The following PLXDC2 variants were observed in gnomAD, a reference collection of about 807,000 sequenced individuals.
PLXDC2 encodes plexin domain containing 2, also known as plexin domain-containing protein 2.
Under a neutral mutation model 68.9 loss-of-function variants are expected in PLXDC2, and 40 were observed. The ratio of observed to expected loss-of-function variants is 0.58; its 90% CI spans 0.45 to 0.76. The LOEUF (loss-of-function observed/expected upper bound fraction) is 0.76, where lower values mean the gene tolerates loss of function less well. Among genes scored for constraint, PLXDC2 ranks in the 30% least tolerant of loss-of-function variants. The probability of loss-of-function intolerance (pLI) is 0.00; values close to 1 mark genes in which losing one functional copy is unlikely to be tolerated. For synonymous variants in PLXDC2, 243 were observed against 234.2 expected (o/e 1.04, Z -0.34); for missense variants, 644 against 661.9 (o/e 0.97, Z 0.30).
At chr10:19,889,206 T>TTA (rs1229249736) in intron 1 of PLXDC2, among the ~76,000 whole-genome samples, 178 of 151,678 alleles carry the variant, frequency 1.2e-3, no homozygotes, top group East Asian at 4.1e-3. Flanking sequence ...ACATCCCATT[T>TTA]TATATATATA....
At chr10:20,189,204 A>G (rs954382277) in intron 9 of PLXDC2, among the ~76,000 whole-genome samples, 3 of 151,026 alleles carry the variant, frequency 2.0e-5, no homozygotes, top group Non-Finnish European at 4.4e-5. Context: ...TAATACAGTG[A>G]GGTATGATGT....
At chr10:20,278,424 G>T (rs1461228735) in intron 13 of PLXDC2, among the ~76,000 whole-genome samples, 1 of 152,132 alleles carries the variant, frequency 6.6e-6, no homozygotes, top group Non-Finnish European at 1.5e-5. Context: ...CATTGTTGAT[G>T]ATTTCAGCCC....
intron 9 of PLXDC2, among the ~76,000 whole-genome samples, chr10:20,210,407 T>C (rs1471783383): frequency 1.3e-5 from 2 of 152,146 alleles, no homozygotes; most frequent in Admixed American, 6.6e-5. Flanking sequence ...GGAGCGACTA[T>C]GGTAGCAATG....
intron 13 of PLXDC2, among the ~76,000 whole-genome samples, chr10:20,263,105 CTA>C (rs983602015): frequency 1.3e-5 from 2 of 152,210 alleles, no homozygotes; most frequent in African/African-American, 4.8e-5. Context: ...TAACTTCAAA[CTA>C]TACTACAAGG....
intron 4 of PLXDC2, among the ~76,000 whole-genome samples, chr10:20,103,787 C>T (rs1030295001): frequency 1.3e-5 from 2 of 152,032 alleles, no homozygotes; most frequent in African/African-American, 4.8e-5. Flanking sequence ...GGTTTACAGG[C>T]ATGCGCCACC....
intron 4 of PLXDC2, among the ~76,000 whole-genome samples, chr10:20,137,886 C>T (rs1833954270): frequency 6.6e-6 from 1 of 152,102 alleles, no homozygotes. Flanking sequence ...TCGACATGGT[C>T]TCAGTATGAT....
chr10:19,881,379 G>A (rs1412001832), intron 1 of PLXDC2, among the ~76,000 whole-genome samples: 2 of 152,130 alleles, frequency 1.3e-5, no homozygotes, highest in Non-Finnish European at 2.9e-5. Flanking sequence ...GCTTCCCAAA[G>A]TGCTGAGATT....
chr10:20,237,796 A>G (rs1835453591), intron 12 of PLXDC2, among the ~76,000 whole-genome samples: 1 of 152,216 alleles, frequency 6.6e-6, no homozygotes, highest in Admixed American at 6.6e-5. Flanking sequence ...TGTCTAACCC[A>G]TCAGCCTCTC....
chr10:20,234,663 CT>C (rs58791520), intron 12 of PLXDC2, among the ~76,000 whole-genome samples: 2,056 of 125,408 alleles, frequency 0.016, 19 homozygotes, highest in African/African-American at 0.033. Context: ...GGGTTTCTTT[CT>C]TTTTTTTTTT....
At chr10:19,876,058 G>T (rs943836878) in intron 1 of PLXDC2, among the ~76,000 whole-genome samples, 1 of 152,124 alleles carries the variant, frequency 6.6e-6, no homozygotes, top group African/African-American at 2.4e-5. Flanking sequence ...CAGTGGTGGG[G>T]ATTATGAGTT....
At chr10:19,901,912 C>G (rs999311403) in intron 1 of PLXDC2, among the ~76,000 whole-genome samples, 6 of 152,168 alleles carry the variant, frequency 3.9e-5, no homozygotes, top group African/African-American at 1.4e-4. Flanking sequence ...ATTATCCCAG[C>G]ACCATTTGTT....
chr10:20,095,679 T>G (rs761787451), intron 4 of PLXDC2, among the ~76,000 whole-genome samples: 28 of 152,074 alleles, frequency 1.8e-4, no homozygotes, highest in Admixed American at 3.3e-4. Flanking sequence ...TACTGAGGAG[T>G]ACAGATGTTA....
intron 13 of PLXDC2, among the ~76,000 whole-genome samples, chr10:20,267,840 C>CT (rs58705023): frequency 0.25 from 37,350 of 146,518 alleles, 4,719 homozygotes; most frequent in African/African-American, 0.31. Flanking sequence ...GCTTTTTTAT[C>CT]TTTTTTTTTT....
chr10:20,244,854 G>A (rs1380848695), intron 12 of PLXDC2, among the ~76,000 whole-genome samples: 7 of 152,118 alleles, frequency 4.6e-5, no homozygotes, highest in African/African-American at 1.7e-4. Flanking sequence ...GGTGGCTCAC[G>A]CCTGTAATCC....
intron 1 of PLXDC2, among the ~76,000 whole-genome samples, chr10:19,916,569 A>G (rs1230136300): frequency 6.6e-6 from 1 of 152,190 alleles, no homozygotes; most frequent in East Asian, 1.9e-4. Context: ...TATAGGCACT[A>G]TGCTAAGCTA....
chr10:20,030,081 A>G (rs1031469194), intron 2 of PLXDC2, among the ~76,000 whole-genome samples: 1 of 152,224 alleles, frequency 6.6e-6, no homozygotes, highest in African/African-American at 2.4e-5. Context: ...AATGGATGCT[A>G]CTTAAGAGTA....
chr10:20,057,129 A>G (rs1252741083), intron 3 of PLXDC2, among the ~76,000 whole-genome samples: 1 of 152,186 alleles, frequency 6.6e-6, no homozygotes, highest in Non-Finnish European at 1.5e-5. Flanking sequence ...AATTTTACAT[A>G]ACATGAGTGT....
intron 12 of PLXDC2, among the ~76,000 whole-genome samples, chr10:20,226,629 G>A (rs918567795): frequency 6.6e-6 from 1 of 152,178 alleles, no homozygotes; most frequent in Non-Finnish European, 1.5e-5. Flanking sequence ...TTCCCCTGTA[G>A]GTTAATTTGT....
intron 12 of PLXDC2, among the ~76,000 whole-genome samples, chr10:20,223,028 G>A (rs983769467): frequency 1.3e-5 from 2 of 152,142 alleles, no homozygotes; most frequent in African/African-American, 4.8e-5. Flanking sequence ...GGAAGAAAAA[G>A]TGGCAGAAGA....
Sources: gnomAD v4.1 joint callset for allele counts (sites outside exome capture counted in the v4.1 genomes callset) on GRCh38, gnomAD v4.1.1 for gene constraint, MANE v1.5 for transcripts, NCBI Gene and HGNC (gene_info 2026-07-23, HGNC 2026-07-21) for gene names.